LRRC69: variants seen among roughly 807,000 people sequenced by gnomAD.
LRRC69 encodes the protein leucine-rich repeat-containing protein 69.
LRRC69 carries 42 observed loss-of-function variants against 37.8 expected under a neutral mutation model. That is an observed-to-expected ratio of 1.11 (90% CI 0.87 to 1.44). LRRC69 has a LOEUF of 1.44. Among genes scored for constraint, LRRC69 ranks in the 40% most tolerant of loss-of-function variants. The pLI is 0.00. For synonymous variants in LRRC69, 141 were observed against 143.1 expected (o/e 0.99, Z 0.11); for missense variants, 357 against 401.9 (o/e 0.89, Z 0.96).
chr8:91,185,867 T>C (rs1257910492), intron 5 of LRRC69, among the ~76,000 whole-genome samples: 3 of 152,198 alleles, frequency 2.0e-5, no homozygotes, highest in Middle Eastern at 3.2e-3. Context: ...GGATTTGTCA[T>C]ACCCTACTTA....
intron 5 of LRRC69, among the ~76,000 whole-genome samples, chr8:91,178,323 G>C (rs544439099): frequency 6.6e-6 from 1 of 152,214 alleles, no homozygotes; most frequent in Admixed American, 6.5e-5. Flanking sequence ...CAATTGATAT[G>C]GCCCCTCCTC....
chr8:91,205,901 T>G (rs62526737), intron 7 of LRRC69, among the ~76,000 whole-genome samples: 16,822 of 152,220 alleles, frequency 0.11, 1,261 homozygotes, highest in Non-Finnish European at 0.16. Context: ...AGTTTTTCAA[T>G]ACCTTGATGC....
At chr8:91,207,667 G>A (rs868643890) in intron 7 of LRRC69, among the ~76,000 whole-genome samples, 17 of 152,338 alleles carry the variant, frequency 1.1e-4, no homozygotes, top group African/African-American at 3.8e-4. Flanking sequence ...AGCATTTCAG[G>A]CTAGGCAGTT....
At chr8:91,141,418 A>G in intron 5 of LRRC69, among the ~76,000 whole-genome samples, 1 of 152,120 alleles carries the variant, frequency 6.6e-6, no homozygotes, top group Non-Finnish European at 1.5e-5. Context: ...TTCAGGGTGG[A>G]TATGAATCTT....
intron 1 of LRRC69, among the ~76,000 whole-genome samples, chr8:91,119,232 T>G (rs1351979435): frequency 6.6e-6 from 1 of 152,062 alleles, no homozygotes; most frequent in African/African-American, 2.4e-5. Flanking sequence ...CTTGCTACAG[T>G]GTTTCTGGAC....
intron 6 of LRRC69, among the ~76,000 whole-genome samples, chr8:91,196,915 G>A (rs1225062900): frequency 2.6e-5 from 4 of 152,194 alleles, no homozygotes; most frequent in South Asian, 2.1e-4. Flanking sequence ...GAGGAGAGGC[G>A]CTCTGCGTTT....
intron 6 of LRRC69, among the ~76,000 whole-genome samples, chr8:91,198,335 T>C (rs1213959279): frequency 6.6e-6 from 1 of 152,162 alleles, no homozygotes; most frequent in African/African-American, 2.4e-5. Flanking sequence ...TAAGGGTTCA[T>C]CCAAATATGA....
At chr8:91,133,574 T>C (rs924381035) in intron 4 of LRRC69, among the ~76,000 whole-genome samples, 1 of 152,130 alleles carries the variant, frequency 6.6e-6, no homozygotes, top group Non-Finnish European at 1.5e-5. Context: ...AATTTTTTAC[T>C]ATAAGTATGT....
At chr8:91,205,161 T>C (rs986160562) in intron 7 of LRRC69, among the ~76,000 whole-genome samples, 1 of 152,280 alleles carries the variant, frequency 6.6e-6, no homozygotes, top group Admixed American at 6.5e-5. Context: ...TATGAATGAA[T>C]GAATGAATGG....
At chr8:91,157,435 G>T (rs1808856027) in intron 5 of LRRC69, 2 of 1,606,362 alleles carry the variant, frequency 1.2e-6, no homozygotes, top group Admixed American at 3.4e-5. Context: ...TATATTCACT[G>T]GGCTTATTGG....
Position 91,156,933 on chromosome 8 carries a change from A to T in LRRC69, c.651+21194A>T, listed in dbSNP as rs901262961. Among the ~76,000 whole-genome samples the T allele has an allele frequency of 1.3e-4, 19 of 151,074 alleles. No homozygotes were observed. The Admixed American group carries it at 1.3e-3, about 10-fold the overall frequency. ...TCAAAAATCAGTTGACTGTAAATAT[A>T]TGGATTTATTTCTGGGTTCTCTATT... On this transcript the variant is annotated intron_variant, in intron 5 of 7. Transcript: ENST00000448384.
At chr8:91,104,286 C>T (rs1373040455) in intron 1 of LRRC69, among the ~76,000 whole-genome samples, 1 of 151,924 alleles carries the variant, frequency 6.6e-6, no homozygotes, top group Non-Finnish European at 1.5e-5. Context: ...CTTTCCTCTC[C>T]CCCCTCACAA....
intron 1 of LRRC69, among the ~76,000 whole-genome samples, chr8:91,108,407 G>A (rs1227886172): frequency 6.6e-6 from 1 of 152,020 alleles, no homozygotes; most frequent in Non-Finnish European, 1.5e-5. Flanking sequence ...AATAGGTTTA[G>A]TGGGGAAAGT....
chr8:91,112,421 C>G (rs1813424191), intron 1 of LRRC69, among the ~76,000 whole-genome samples: 1 of 151,964 alleles, frequency 6.6e-6, no homozygotes, highest in African/African-American at 2.4e-5. Flanking sequence ...CTTTTACTGC[C>G]AAGGACCCCA....
chr8:91,134,755 T>A (rs1414905911), intron 4 of LRRC69, among the ~76,000 whole-genome samples: 1 of 152,064 alleles, frequency 6.6e-6, no homozygotes, highest in African/African-American at 2.4e-5. Flanking sequence ...TCCAAATAAC[T>A]CAGAGAATCT....
At chr8:91,198,201 T>C (rs760437098) in intron 6 of LRRC69, among the ~76,000 whole-genome samples, 1 of 152,208 alleles carries the variant, frequency 6.6e-6, no homozygotes, top group Non-Finnish European at 1.5e-5. Flanking sequence ...GGGAATATAC[T>C]GCATTAGTAG....
chr8:91,111,322 C>G (rs949956674), intron 1 of LRRC69, among the ~76,000 whole-genome samples: 6 of 151,902 alleles, frequency 3.9e-5, no homozygotes, highest in African/African-American at 1.2e-4. Context: ...ATCACGAGGT[C>G]AGAAGTTCAA....
At chr8:91,200,134 G>A (rs1809687672) in intron 6 of LRRC69, among the ~76,000 whole-genome samples, 1 of 152,118 alleles carries the variant, frequency 6.6e-6, no homozygotes, top group Non-Finnish European at 1.5e-5. Context: ...TGATTCAGTA[G>A]GTCTGGAGTG....
At position 91,153,931 on chromosome 8, in the gene LRRC69, G is replaced by C. The variant is rs1808786983; in HGVS notation, c.651+18192G>C. Among the ~76,000 whole-genome samples the C allele has an allele frequency of 1.3e-5, 2 of 151,696 alleles. 1 individual carries two copies. Among genetic ancestry groups the C allele is most frequent in the Admixed American group, 1.3e-4 (2 of 15,170 alleles). On this transcript the variant is annotated intron_variant, in intron 5 of 7. Coordinates refer to ENST00000448384, the Ensembl canonical transcript of LRRC69. ...AAAAAATCAATGAATCCAGGAGCTG[G>C]TTTTTTGAAAAAATTAATAAAATAG...
Sources: gnomAD v4.1 joint callset for allele counts (sites outside exome capture counted in the v4.1 genomes callset) on GRCh38, gnomAD v4.1.1 for gene constraint, MANE v1.5 for transcripts, NCBI Gene and HGNC (gene_info 2026-07-23, HGNC 2026-07-21) for gene names.